Variants in NINL observed in about 807,000 individuals in gnomAD.
The protein encoded by NINL is ninein-like protein.
NINL carries 153 observed loss-of-function variants against 160.3 expected under a neutral mutation model. That is an observed-to-expected ratio of 0.95 (90% CI 0.84 to 1.09). NINL has a LOEUF of 1.09. NINL is among the 50% of genes least tolerant of loss of function. The pLI, the probability that NINL is intolerant of heterozygous loss-of-function variation, is 0.00. For missense variants in NINL, 1,829 were observed against 1,764.0 expected, an observed-to-expected ratio of 1.04 and a Z score of -0.66; for synonymous variants, 800 against 734.8, an observed-to-expected ratio of 1.09 and a Z score of -1.43.
intron 5 of NINL, among the ~76,000 whole-genome samples, chr20:25,505,564 C>T: frequency 6.6e-6 from 1 of 152,236 alleles, no homozygotes; most frequent in Non-Finnish European, 1.5e-5. Flanking sequence ...TCACATTGTA[C>T]ACCTTAAATA....
At position 25,458,369 on chromosome 20, in the gene NINL, G is replaced by T; in HGVS notation, c.3843+14C>A. ...CTCATCTCGTCAGCCATCTCTCGCT[G>T]CATCCCCACTTACCCGCTGTGCATC... On this transcript the variant is annotated intron_variant, in intron 22 of 23. Transcript: ENST00000278886. 1 of 1,604,974 alleles carries T rather than the reference G, an allele frequency of 6.2e-7. No homozygotes were observed.
intron 1 of NINL, among the ~76,000 whole-genome samples, chr20:25,546,349 G>C (rs964303957): frequency 1.3e-5 from 2 of 152,124 alleles, no homozygotes; most frequent in African/African-American, 4.8e-5. Flanking sequence ...CCAAGCTTTC[G>C]TGGGTAAGTG....
chr20:25,537,407 T>G (rs940688657), intron 1 of NINL, among the ~76,000 whole-genome samples: 2 of 152,206 alleles, frequency 1.3e-5, no homozygotes, highest in Admixed American at 1.3e-4. Context: ...TTAAGCCATG[T>G]GAGTATGTTA....
At chr20:25,494,851 C>T (rs891761539) in intron 10 of NINL, among the ~76,000 whole-genome samples, 3 of 152,206 alleles carry the variant, frequency 2.0e-5, no homozygotes, top group African/African-American at 7.2e-5. Context: ...TCATGCTTCT[C>T]CCACCTGAGG....
Position 25,506,795 on chromosome 20 carries a change from C to T in NINL, c.518-1717G>A, listed in dbSNP as rs565807424. Among the ~76,000 whole-genome samples the T allele has an allele frequency of 2.0e-5, 3 of 152,274 alleles. No homozygotes were observed. In the East Asian group the frequency reaches 5.8e-4, roughly 29 times the overall value. On this transcript the variant is annotated intron_variant, in intron 5 of 23. Coordinates refer to ENST00000278886, the MANE Select transcript of NINL (RefSeq NM_025176.6). The stretch of plus-strand genomic sequence containing the variant: ...TCACACCATCAAGAAGTTGAAAAAT[C>T]GTTGAGTCAAAACATCATGAGTCTG...
intron 1 of NINL, among the ~76,000 whole-genome samples, chr20:25,539,414 C>A (rs1453463815): frequency 6.6e-6 from 1 of 152,232 alleles, no homozygotes; most frequent in Non-Finnish European, 1.5e-5. Context: ...CAGGTCTGGG[C>A]AAGTCCCAGC....
At chr20:25,562,906 A>G (rs1305849572) in intron 1 of NINL, among the ~76,000 whole-genome samples, 2 of 152,196 alleles carry the variant, frequency 1.3e-5, no homozygotes, top group Non-Finnish European at 2.9e-5. Context: ...GATGGCTCAC[A>G]CCTGTAATCC....
intron 18 of NINL, 139 bp from the exon 19 acceptor site, chr20:25,467,597 A>G: frequency 1.4e-6 from 1 of 690,246 alleles, no homozygotes; most frequent in Non-Finnish European, 2.6e-6. Context: ...GGCATTCTCC[A>G]GCCCCTCTCA....
chr20:25,565,694 G>A (rs933423368), intron 1 of NINL, among the ~76,000 whole-genome samples: 3 of 152,142 alleles, frequency 2.0e-5, no homozygotes, highest in Admixed American at 2.0e-4. Context: ...ATTATGTTTG[G>A]GTGAGTCTGT....
chr20:25,464,182 C>T (rs945777521), intron 19 of NINL, among the ~76,000 whole-genome samples: 2 of 151,996 alleles, frequency 1.3e-5, no homozygotes, highest in Admixed American at 6.6e-5. Context: ...TTTGGGAGGC[C>T]GAAGTGGAAG....
intron 8 of NINL, 33 bp from the exon 9 acceptor site, chr20:25,498,379 C>T (rs770653306): frequency 1.9e-5 from 30 of 1,608,998 alleles, no homozygotes; most frequent in South Asian, 1.1e-4. Flanking sequence ...GCAGGAGAGG[C>T]TGAGGGACTT....
At chr20:25,533,920 T>C (rs970170474) in intron 1 of NINL, among the ~76,000 whole-genome samples, 7 of 152,222 alleles carry the variant, frequency 4.6e-5, no homozygotes, top group African/African-American at 1.7e-4. Flanking sequence ...TTGGCAGTGA[T>C]TTCTTAGATA....
chr20:25,458,760 C>T, intron 21 of NINL: 1 of 511,942 alleles, frequency 2.0e-6, no homozygotes, highest in Non-Finnish European at 3.4e-6. Context: ...ACATGTCCAT[C>T]ACCCTCAAAA....
intron 1 of NINL, among the ~76,000 whole-genome samples, chr20:25,542,682 T>A (rs2064681390): frequency 7.9e-6 from 1 of 126,854 alleles, no homozygotes; most frequent in South Asian, 2.8e-4. Context: ...ACTTCTCTAA[T>A]AAACTTGCTT....
At chr20:25,575,614 G>A (rs1056836468) in intron 1 of NINL, among the ~76,000 whole-genome samples, 1 of 152,144 alleles carries the variant, frequency 6.6e-6, no homozygotes, top group East Asian at 1.9e-4. Context: ...AGCTGGGCAT[G>A]GTGGCGTGGG....
intron 1 of NINL, among the ~76,000 whole-genome samples, chr20:25,561,844 C>T (rs1050861060): frequency 6.6e-6 from 1 of 152,064 alleles, no homozygotes; most frequent in African/African-American, 2.4e-5. Flanking sequence ...CGGCTGCCAC[C>T]CCGTCTGGGA....
chr20:25,569,061 G>A (rs1013038947), intron 1 of NINL, among the ~76,000 whole-genome samples: 20 of 151,398 alleles, frequency 1.3e-4, no homozygotes, highest in African/African-American at 1.9e-4. Context: ...GTAAAACCCC[G>A]TTTCTACCAA....
At chr20:25,472,373 T>C (rs1363024743) in intron 17 of NINL, among the ~76,000 whole-genome samples, 1 of 127,010 alleles carries the variant, frequency 7.9e-6, no homozygotes, top group Non-Finnish European at 1.7e-5. Flanking sequence ...ATATACTTTT[T>C]TTTTGTTTTT....
intron 7 of NINL, among the ~76,000 whole-genome samples, chr20:25,501,218 G>A (rs559630574): frequency 1.6e-4 from 24 of 152,350 alleles, no homozygotes; most frequent in Admixed American, 1.2e-3. Context: ...TAAGAAAGTC[G>A]GGACATGCAA....
Sources: allele counts gnomAD v4.1 joint callset (sites outside exome capture counted in the v4.1 genomes callset), GRCh38; gene constraint gnomAD v4.1.1; transcripts MANE v1.5; gene names NCBI Gene and HGNC (gene_info 2026-07-23, HGNC 2026-07-21).